The following ANKS1B variants were observed in gnomAD, a reference collection of about 807,000 sequenced individuals.
ANKS1B encodes the protein ankyrin repeat and sterile alpha motif domain-containing protein 1B.
In ANKS1B, 36 loss-of-function variants were observed where a neutral mutation model predicts 148.3. That is an observed-to-expected ratio of 0.24 (90% CI 0.19 to 0.32). ANKS1B has a LOEUF of 0.32. Among genes scored for constraint, ANKS1B ranks in the 10% least tolerant of loss-of-function variants. The pLI, the probability that ANKS1B is intolerant of heterozygous loss-of-function variation, is 1.00. For missense variants in ANKS1B, 1,157 were observed against 1,542.6 expected, an observed-to-expected ratio of 0.75 and a Z score of 4.19; for synonymous variants, 542 against 560.8, an observed-to-expected ratio of 0.97 and a Z score of 0.47.
intron 24 of ANKS1B, among the ~76,000 whole-genome samples, chr12:98,774,655 T>C (rs2098649082): frequency 6.6e-6 from 1 of 152,232 alleles, no homozygotes; most frequent in Admixed American, 6.5e-5. Flanking sequence ...TTAAATAACC[T>C]GTTGGCAATA....
chr12:99,453,273 G>T (rs1588595), intron 10 of ANKS1B, among the ~76,000 whole-genome samples: 30,670 of 151,824 alleles, frequency 0.2, 4,610 homozygotes, highest in African/African-American at 0.42. Context: ...CTGGGTGACA[G>T]AGCGAGAGTC....
intron 10 of ANKS1B, among the ~76,000 whole-genome samples, chr12:99,461,430 A>T (rs188802955): frequency 0.02 from 2,821 of 139,086 alleles, 37 homozygotes; most frequent in Middle Eastern, 0.042. Flanking sequence ...TATTAAAATT[A>T]AAAAAAAAGA....
intron 17 of ANKS1B, among the ~76,000 whole-genome samples, chr12:98,999,835 C>A (rs374611778): frequency 1.3e-5 from 2 of 152,140 alleles, no homozygotes; most frequent in Admixed American, 6.5e-5. Flanking sequence ...AGGGGAAACA[C>A]GCAGTGGCTA....
In ANKS1B at chr12:99,118,515, G is replaced by A. The variant is rs78623218; in HGVS notation, c.2527-33492C>T. Among the ~76,000 whole-genome samples, 3 of 151,964 alleles carry A rather than the reference G, an allele frequency of 2.0e-5. No individual in the cohort carries two copies. The East Asian group carries it at 5.8e-4, about 29-fold the overall frequency. On this transcript the variant is annotated intron_variant, in intron 15 of 26. Transcript: ENST00000683438. ...AGCGCCTGGTGTTCTAAATCCAGTC[G>A]CTAACTCAAACCTTTTCACTTTCAT... is the stretch of plus-strand genomic sequence containing the variant.
chr12:99,684,981 A>G (rs530282748), intron 8 of ANKS1B, among the ~76,000 whole-genome samples: 31 of 152,332 alleles, frequency 2.0e-4, no homozygotes, highest in African/African-American at 7.5e-4. Flanking sequence ...ATTCTAGAAG[A>G]TAATACTGGA....
intron 12 of ANKS1B, among the ~76,000 whole-genome samples, chr12:99,321,979 C>T (rs1274207679): frequency 6.6e-6 from 1 of 152,160 alleles, no homozygotes; most frequent in Non-Finnish European, 1.5e-5. Context: ...AGCAGAAATA[C>T]CATCTGTCCC....
intron 14 of ANKS1B, among the ~76,000 whole-genome samples, chr12:99,210,214 A>G (rs541505457): frequency 6.6e-6 from 1 of 152,250 alleles, no homozygotes; most frequent in African/African-American, 2.4e-5. Flanking sequence ...CCCTCTCCAA[A>G]ATATTTATTC....
At chr12:99,415,535 T>C (rs1222295269) in intron 11 of ANKS1B, among the ~76,000 whole-genome samples, 1 of 152,192 alleles carries the variant, frequency 6.6e-6, no homozygotes, top group Non-Finnish European at 1.5e-5. Context: ...TTTCAATAAT[T>C]GTAGATTCAT....
intron 14 of ANKS1B, among the ~76,000 whole-genome samples, chr12:99,194,258 T>C (rs2081121277): frequency 6.6e-6 from 1 of 152,162 alleles, no homozygotes. Flanking sequence ...TACATGTATT[T>C]GTCTAACATA....
chr12:99,448,799 T>A (rs1329346383), intron 10 of ANKS1B, among the ~76,000 whole-genome samples: 1 of 152,000 alleles, frequency 6.6e-6, no homozygotes, highest in Non-Finnish European at 1.5e-5. Context: ...CCTGAGGAAC[T>A]AAAAGGATAG....
At chr12:99,652,027 GTATA>G (rs1210206266) in intron 9 of ANKS1B, among the ~76,000 whole-genome samples, 10 of 149,356 alleles carry the variant, frequency 6.7e-5, no homozygotes, top group South Asian at 2.1e-4. Flanking sequence ...CAATGAAAAT[GTATA>G]TATATAAACA....
intron 1 of ANKS1B, among the ~76,000 whole-genome samples, chr12:99,950,755 T>C (rs1377282244): frequency 6.6e-6 from 1 of 152,074 alleles, no homozygotes; most frequent in Non-Finnish European, 1.5e-5. Flanking sequence ...CCTCCATCCT[T>C]TTTCTCTAAT....
chr12:98,800,693 C>CATATATATATATATATATATATATATA, intron 21 of ANKS1B, among the ~76,000 whole-genome samples: 1 of 88,342 alleles, frequency 1.1e-5, no homozygotes, highest in Non-Finnish European at 2.4e-5. Flanking sequence ...TATATATATG[C>CATATATATATATATATATATATATATA]CATATTTACA....
At chr12:99,840,703 CATTT>C (rs571249591) in intron 1 of ANKS1B, among the ~76,000 whole-genome samples, 59 of 152,168 alleles carry the variant, frequency 3.9e-4, no homozygotes, top group African/African-American at 1.2e-3. Context: ...TTGGAATTGC[CATTT>C]ATTAATTTGG....
intron 3 of ANKS1B, 34 bp from the exon 4 acceptor site, chr12:99,806,734 A>G: frequency 5.1e-6 from 8 of 1,578,082 alleles, no homozygotes; most frequent in Non-Finnish European, 4.3e-6. Flanking sequence ...GCACATTTTC[A>G]GAAATTCAAT....
intron 12 of ANKS1B, among the ~76,000 whole-genome samples, chr12:99,339,138 G>A (rs192057371): frequency 2.1e-4 from 32 of 152,290 alleles, no homozygotes; most frequent in Non-Finnish European, 5.9e-5. Context: ...CATCTTTCAA[G>A]TTTATTTAGG....
chr12:99,123,047 C>CA (rs1270753937), intron 15 of ANKS1B, among the ~76,000 whole-genome samples: 1 of 139,678 alleles, frequency 7.2e-6, no homozygotes, highest in African/African-American at 2.7e-5. Flanking sequence ...ACAACAACAA[C>CA]AAAAAACCAA....
At chr12:99,443,521 G>A (rs1388751760) in intron 11 of ANKS1B, among the ~76,000 whole-genome samples, 152 bp downstream of exon 11, 2 of 151,964 alleles carry the variant, frequency 1.3e-5, no homozygotes, top group Non-Finnish European at 2.9e-5. Context: ...TTGAAAGGAA[G>A]CAAACATCCT....
At chr12:99,832,956 T>C (rs976155469) in intron 1 of ANKS1B, among the ~76,000 whole-genome samples, 3 of 152,318 alleles carry the variant, frequency 2.0e-5, no homozygotes, top group East Asian at 3.9e-4. Context: ...TTGCAGAATA[T>C]TGTGTGTGTC....
Sources: gnomAD v4.1 joint callset for allele counts (sites outside exome capture counted in the v4.1 genomes callset) on GRCh38, gnomAD v4.1.1 for gene constraint, MANE v1.5 for transcripts, NCBI Gene and HGNC (gene_info 2026-07-23, HGNC 2026-07-21) for gene names.